GRIP1: variants seen among roughly 807,000 people sequenced by gnomAD.
GRIP1 encodes the protein glutamate receptor-interacting protein 1.
GRIP1 carries 45 observed loss-of-function variants against 129.9 expected under a neutral mutation model. That is an observed-to-expected ratio of 0.35 (90% confidence interval 0.27 to 0.44). The LOEUF (loss-of-function observed/expected upper bound fraction) is 0.44. Ranked by LOEUF, GRIP1 falls within the 20% of genes least tolerant of loss-of-function variation. The probability of loss-of-function intolerance (pLI) is 1.00; values close to 1 mark genes in which losing one functional copy is unlikely to be tolerated. For synonymous variants in GRIP1, 530 were observed against 520.8 expected (o/e 1.02, Z -0.24); for missense variants, 1,196 against 1,396.8 (o/e 0.86, Z 2.29).
At chr12:66,578,397 C>A (rs2063223675) in intron 2 of GRIP1, among the ~76,000 whole-genome samples, 1 of 152,032 alleles carries the variant, frequency 6.6e-6, no homozygotes, top group African/African-American at 2.4e-5. Context: ...GAGTGCCAGA[C>A]AGTGGGTGCA....
intron 15 of GRIP1, among the ~76,000 whole-genome samples, chr12:66,418,027 A>G (rs1565718586): frequency 1.3e-5 from 2 of 152,168 alleles, no homozygotes; most frequent in African/African-American, 4.8e-5. Flanking sequence ...CCATTATCTG[A>G]CTTCAAATTA....
intron 4 of GRIP1, among the ~76,000 whole-genome samples, chr12:66,537,921 C>T (rs61159832): frequency 0.14 from 21,948 of 152,192 alleles, 1,698 homozygotes; most frequent in African/African-American, 0.2. Flanking sequence ...TGTTCTTCCT[C>T]TGCGTTATGA....
intron 22 of GRIP1, chr12:66,372,185 G>A (rs2055544487): frequency 1.8e-6 from 1 of 562,420 alleles, no homozygotes; most frequent in Middle Eastern, 4.8e-4. Context: ...ACCACCCCTG[G>A]CAGTTTTGAG....
chr12:66,776,636 T>A (rs2037989911), intron 1 of GRIP1, among the ~76,000 whole-genome samples: 1 of 152,210 alleles, frequency 6.6e-6, no homozygotes, highest in Non-Finnish European at 1.5e-5. Context: ...ATATTTGCTA[T>A]AATCGCTGTA....
At chr12:67,056,793 G>A (rs184967565) in intron 1 of GRIP1, among the ~76,000 whole-genome samples, 2 of 151,822 alleles carry the variant, frequency 1.3e-5, no homozygotes. Context: ...GGACTGAATG[G>A]TTTTGTTTTG....
At chr12:67,018,199 A>C (rs1226218513) in intron 1 of GRIP1, among the ~76,000 whole-genome samples, 1 of 152,030 alleles carries the variant, frequency 6.6e-6, no homozygotes, top group African/African-American at 2.4e-5. Flanking sequence ...GTCTGGGCCC[A>C]AGACTGTTTC....
intron 1 of GRIP1, among the ~76,000 whole-genome samples, chr12:66,903,975 C>G (rs2040886233): frequency 6.6e-6 from 1 of 152,166 alleles, no homozygotes; most frequent in Admixed American, 6.5e-5. Context: ...TGCAGTGTTT[C>G]TGCACCTGTT....
At chr12:66,489,846 G>C (rs2060057585) in intron 7 of GRIP1, among the ~76,000 whole-genome samples, 1 of 152,064 alleles carries the variant, frequency 6.6e-6, no homozygotes, top group Admixed American at 6.6e-5. Context: ...TTGGCAAGTA[G>C]AGAGCCAAAT....
intron 1 of GRIP1, among the ~76,000 whole-genome samples, chr12:66,695,627 A>T (rs911825340): frequency 1.3e-5 from 2 of 152,208 alleles, no homozygotes; most frequent in African/African-American, 4.8e-5. Context: ...AGCACTGGGG[A>T]GGGAACTAGA....
chr12:66,712,707 T>C (rs1167485626), intron 1 of GRIP1, among the ~76,000 whole-genome samples: 1 of 151,970 alleles, frequency 6.6e-6, no homozygotes, highest in Admixed American at 6.6e-5. Context: ...CTGGGGTGAA[T>C]CACTTTCTTC....
chr12:66,834,481 AG>A (rs2039574987), intron 1 of GRIP1, among the ~76,000 whole-genome samples: 1 of 152,234 alleles, frequency 6.6e-6, no homozygotes, highest in African/African-American at 2.4e-5. Flanking sequence ...TAAAAACTCT[AG>A]GGGAAAATGA....
At chr12:66,402,331 T>A (rs1291421665) in intron 16 of GRIP1, among the ~76,000 whole-genome samples, 1 of 152,228 alleles carries the variant, frequency 6.6e-6, no homozygotes, top group African/African-American at 2.4e-5. Flanking sequence ...GTGTCCCTTT[T>A]ATCTAAGAAC....
At chr12:67,045,147 GT>G (rs2043234552) in intron 1 of GRIP1, among the ~76,000 whole-genome samples, 4 of 152,260 alleles carry the variant, frequency 2.6e-5, no homozygotes, top group Admixed American at 2.6e-4. Flanking sequence ...TCAAAATCAT[GT>G]TTAGAAAAAG....
Position 66,401,579 on chromosome 12 carries a change from C to CA in GRIP1, c.1984+4703dup, listed in dbSNP as rs576589514. On this transcript the variant is annotated intron_variant, in intron 16 of 24. Transcript: ENST00000359742. ...GGGCGACAAGAGCAAAATTCCGTCT[C>CA]AAAAAAAAAAATATGTGTGTATATA... Among the ~76,000 whole-genome samples the CA allele has an allele frequency of 3.0e-4, 19 of 63,888 alleles. 1 individual carries two copies. Among genetic ancestry groups the CA allele is most frequent in the South Asian group, 1.8e-3 (3 of 1,692 alleles). 41.9% of individuals were successfully genotyped at this position (63,888 alleles called of 152,430 possible). A position where few individuals can be genotyped will look rare whatever the true frequency, so the allele number is the denominator to read the frequency against.
At chr12:67,019,639 C>T (rs1006916616) in intron 1 of GRIP1, among the ~76,000 whole-genome samples, 1 of 152,040 alleles carries the variant, frequency 6.6e-6, no homozygotes, top group African/African-American at 2.4e-5. Flanking sequence ...TATTACTGAA[C>T]GTTACTGCCA....
chr12:66,351,752 T>C (rs918605576), intron 24 of GRIP1, among the ~76,000 whole-genome samples: 4 of 152,214 alleles, frequency 2.6e-5, no homozygotes, highest in African/African-American at 9.6e-5. Context: ...TCTGGTGAAG[T>C]TAGGCTTTGA....
chr12:66,351,794 T>C (rs7954565), intron 24 of GRIP1, among the ~76,000 whole-genome samples: 3,750 of 152,216 alleles, frequency 0.025, 166 homozygotes, highest in African/African-American at 0.084. Context: ...GGTTTTCAAT[T>C]TGGCTGCTCA....
intron 2 of GRIP1, among the ~76,000 whole-genome samples, chr12:66,581,240 G>C (rs983435770): frequency 4.6e-5 from 7 of 151,988 alleles, no homozygotes; most frequent in Non-Finnish European, 4.4e-5. Flanking sequence ...GAATCTCTGG[G>C]ACACATTCAA....
intron 7 of GRIP1, among the ~76,000 whole-genome samples, chr12:66,473,422 T>A (rs1197373609): frequency 2.0e-5 from 3 of 152,220 alleles, no homozygotes; most frequent in Non-Finnish European, 4.4e-5. Flanking sequence ...TAAATGTTCC[T>A]GCCTGCTGGC....
Sources: gnomAD v4.1 joint callset for allele counts (sites outside exome capture counted in the v4.1 genomes callset) on GRCh38, gnomAD v4.1.1 for gene constraint, MANE v1.5 for transcripts, NCBI Gene and HGNC (gene_info 2026-07-23, HGNC 2026-07-21) for gene names.